SRGAP1: variants seen among roughly 807,000 people sequenced by gnomAD.
The protein encoded by SRGAP1 is SLIT-ROBO Rho GTPase activating protein 1.
In SRGAP1, 43 loss-of-function variants were observed where a neutral mutation model predicts 121.9. That is an observed-to-expected ratio of 0.35 (90% CI 0.28 to 0.46). The LOEUF (loss-of-function observed/expected upper bound fraction) is 0.46. SRGAP1 is among the 20% of genes least tolerant of loss of function. SRGAP1 has a pLI of 1.00. For missense variants in SRGAP1, 1,102 were observed against 1,350.9 expected (o/e 0.82, Z 2.89); for synonymous variants, 447 against 485.4 (o/e 0.92, Z 1.04).
At chr12:64,062,801 C>A in intron 6 of SRGAP1, 116 bp from the exon 7 acceptor site, 1 of 691,236 alleles carries the variant, frequency 1.4e-6, no homozygotes, top group Non-Finnish European at 2.4e-6. Flanking sequence ...AATCCAATGT[C>A]ATGAAAGCTT....
At chr12:64,011,779 A>G (rs903708175) in intron 3 of SRGAP1, among the ~76,000 whole-genome samples, 2 of 152,172 alleles carry the variant, frequency 1.3e-5, no homozygotes, top group Non-Finnish European at 2.9e-5. Flanking sequence ...ATAGGAAAAT[A>G]TACTTAGACC....
chr12:64,019,425 C>T (rs2136469604), intron 4 of SRGAP1, among the ~76,000 whole-genome samples: 1 of 152,250 alleles, frequency 6.6e-6, no homozygotes, highest in Middle Eastern at 3.4e-3. Flanking sequence ...AGGGATAGGG[C>T]AGACAAGTAA....
chr12:64,064,480 AGCCAT>A (rs1262225539), intron 7 of SRGAP1, among the ~76,000 whole-genome samples: 1 of 152,194 alleles, frequency 6.6e-6, no homozygotes, highest in African/African-American at 2.4e-5. Context: ...TGGTTAGGGA[AGCCAT>A]ATTTGAAAGA....
chr12:63,869,355 C>A (rs985328216), intron 1 of SRGAP1, among the ~76,000 whole-genome samples: 2 of 152,224 alleles, frequency 1.3e-5, no homozygotes, highest in Non-Finnish European at 2.9e-5. Flanking sequence ...GCAAACCCCT[C>A]ATGGTCTGAT....
chr12:63,901,855 A>AG (rs1444225781), intron 1 of SRGAP1, among the ~76,000 whole-genome samples: 1 of 152,262 alleles, frequency 6.6e-6, no homozygotes, highest in African/African-American at 2.4e-5. Flanking sequence ...GAATTGTTTA[A>AG]GCCCTGTAGG....
At chr12:64,121,671 T>G (rs2036608090) in intron 18 of SRGAP1, among the ~76,000 whole-genome samples, 1 of 152,190 alleles carries the variant, frequency 6.6e-6, no homozygotes. Flanking sequence ...CTTAGGTGTT[T>G]CCCTGCTTTC....
chr12:64,120,254 CTG>C (rs2036584806), intron 18 of SRGAP1, among the ~76,000 whole-genome samples: 1 of 152,104 alleles, frequency 6.6e-6, no homozygotes, highest in African/African-American at 2.4e-5. Flanking sequence ...TTATTTTCCA[CTG>C]TGTTTGTAAA....
chr12:64,127,244 C>T (rs1404309823), intron 19 of SRGAP1, among the ~76,000 whole-genome samples: 2 of 152,152 alleles, frequency 1.3e-5, no homozygotes, highest in Non-Finnish European at 2.9e-5. Flanking sequence ...GTATAAATGC[C>T]ATACATATGT....
chr12:64,078,457 C>G (rs972666767), intron 8 of SRGAP1, among the ~76,000 whole-genome samples: 1 of 152,094 alleles, frequency 6.6e-6, no homozygotes, highest in Non-Finnish European at 1.5e-5. Context: ...TCTTAGAAGT[C>G]CAGTTAATGG....
chr12:64,083,616 T>G (rs1441641077), intron 10 of SRGAP1, among the ~76,000 whole-genome samples: 1 of 152,268 alleles, frequency 6.6e-6, no homozygotes, highest in Non-Finnish European at 1.5e-5. Context: ...AACACCATTG[T>G]ATCTTTTTGT....
intron 1 of SRGAP1, among the ~76,000 whole-genome samples, chr12:63,885,919 G>C (rs1378809862): frequency 6.6e-6 from 1 of 152,092 alleles, no homozygotes; most frequent in Non-Finnish European, 1.5e-5. Context: ...TAGAATCATC[G>C]GTGGGAAGAA....
intron 1 of SRGAP1, among the ~76,000 whole-genome samples, chr12:63,962,235 G>A (rs2032662905): frequency 6.6e-6 from 1 of 151,946 alleles, no homozygotes; most frequent in Admixed American, 6.6e-5. Context: ...ACATACTTTG[G>A]GATGCTGATA....
chr12:64,078,197 T>G (rs2035771835), intron 8 of SRGAP1, among the ~76,000 whole-genome samples: 1 of 152,200 alleles, frequency 6.6e-6, no homozygotes, highest in Non-Finnish European at 1.5e-5. Context: ...AAGCAGCAAT[T>G]CTATTCATAT....
chr12:64,108,165 G>A (rs1352881878), intron 15 of SRGAP1, among the ~76,000 whole-genome samples: 1 of 152,182 alleles, frequency 6.6e-6, no homozygotes, highest in African/African-American at 2.4e-5. Context: ...TACAAATAAT[G>A]TGTTGTAGTA....
At chr12:63,928,873 A>C (rs2031360106) in intron 1 of SRGAP1, among the ~76,000 whole-genome samples, 1 of 152,220 alleles carries the variant, frequency 6.6e-6, no homozygotes, top group Non-Finnish European at 1.5e-5. Flanking sequence ...TGTGCAGTTC[A>C]CAATAGGGTC....
intron 10 of SRGAP1, among the ~76,000 whole-genome samples, chr12:64,082,692 C>T (rs11175254): frequency 0.028 from 4,327 of 152,256 alleles, 93 homozygotes; most frequent in Non-Finnish European, 0.049. Context: ...TCAGGATCCA[C>T]CCACCTTAGC....
chr12:64,124,990 A>G (rs1197262862), intron 18 of SRGAP1, among the ~76,000 whole-genome samples: 1 of 152,198 alleles, frequency 6.6e-6, no homozygotes, highest in Non-Finnish European at 1.5e-5. Flanking sequence ...GTGTGTGTTT[A>G]CTTAGATCTG....
chr12:63,851,482 C>T (rs1263303111), intron 1 of SRGAP1, among the ~76,000 whole-genome samples: 2 of 152,068 alleles, frequency 1.3e-5, no homozygotes, highest in Non-Finnish European at 1.5e-5. Flanking sequence ...TGTTAGCAGT[C>T]TAGCCTTGTC....
chr12:64,069,164 C>T (rs2035596238), intron 8 of SRGAP1, among the ~76,000 whole-genome samples: 1 of 152,156 alleles, frequency 6.6e-6, no homozygotes, highest in African/African-American at 2.4e-5. Context: ...TGTGTGCTTC[C>T]TGTTTGCCAT....
Sources: allele counts gnomAD v4.1 joint callset (sites outside exome capture counted in the v4.1 genomes callset), GRCh38; gene constraint gnomAD v4.1.1; transcripts MANE v1.5; gene names NCBI Gene and HGNC (gene_info 2026-07-23, HGNC 2026-07-21).